PCDHA1: variants seen among roughly 807,000 people sequenced by gnomAD.
The protein encoded by PCDHA1 is protocadherin alpha-1.
PCDHA1 carries 42 observed loss-of-function variants against 61.3 expected under a neutral mutation model. That is an observed-to-expected ratio of 0.69 (90% CI 0.54 to 0.89). PCDHA1 has a LOEUF of 0.89. Among genes scored for constraint, PCDHA1 ranks in the 40% least tolerant of loss-of-function variants. The pLI is 0.00. For synonymous variants in PCDHA1, 610 were observed against 553.8 expected (o/e 1.10, Z -1.43); for missense variants, 1,256 against 1,235.3 (o/e 1.02, Z -0.25).
intron 1 of PCDHA1, chr5:140,825,843 T>C (rs1768734977): frequency 6.6e-6 from 1 of 152,442 alleles, no homozygotes; most frequent in Non-Finnish European, 1.5e-5. Context: ...AAATATACCA[T>C]GATACAAACT....
intron 1 of PCDHA1, chr5:140,829,463 C>G (rs1245659020): frequency 6.2e-7 from 1 of 1,613,756 alleles, no homozygotes; most frequent in Non-Finnish European, 8.5e-7. Context: ...GTTCGCGCAG[C>G]CCGAGTACAC....
chr5:140,822,696 G>A (rs2150118685), intron 1 of PCDHA1: 1 of 1,610,120 alleles, frequency 6.2e-7, no homozygotes, highest in Non-Finnish European at 8.5e-7. Flanking sequence ...ACGGGGAACT[G>A]GATTATGAAG....
At chr5:140,891,034 G>A (rs1377509789) in intron 1 of PCDHA1, among the ~76,000 whole-genome samples, 1 of 151,488 alleles carries the variant, frequency 6.6e-6, no homozygotes, top group Non-Finnish European at 1.5e-5. Context: ...ATAATCTTAG[G>A]TGTGACCCCC....
At chr5:140,869,256 C>T in intron 1 of PCDHA1, 2 of 1,613,586 alleles carry the variant, frequency 1.2e-6, no homozygotes, top group Non-Finnish European at 1.7e-6. Flanking sequence ...TCGCGCAGGA[C>T]CTGGGGCTGG....
intron 1 of PCDHA1, among the ~76,000 whole-genome samples, chr5:140,890,239 C>G (rs1398307605): frequency 6.6e-6 from 1 of 151,982 alleles, no homozygotes; most frequent in African/African-American, 2.4e-5. Context: ...AAGCATTTAC[C>G]AGTACACTAC....
chr5:140,928,955 T>A, intron 1 of PCDHA1: 1 of 1,614,024 alleles, frequency 6.2e-7, no homozygotes, highest in Middle Eastern at 1.6e-4. Context: ...GTAATTGCCT[T>A]GGCTTGTATT....
At chr5:140,962,564 G>A (rs1224952009) in intron 1 of PCDHA1, among the ~76,000 whole-genome samples, 2 of 152,124 alleles carry the variant, frequency 1.3e-5, no homozygotes, top group Non-Finnish European at 2.9e-5. Context: ...CCCCCTAAAA[G>A]CCAATTGTTA....
intron 1 of PCDHA1, among the ~76,000 whole-genome samples, chr5:140,937,574 G>C (rs1320452651): frequency 1.3e-5 from 2 of 151,732 alleles, no homozygotes; most frequent in African/African-American, 4.9e-5. Context: ...CTGGGATCGC[G>C]TCACTGCACT....
At chr5:140,995,924 G>T (rs998405229) in intron 3 of PCDHA1, among the ~76,000 whole-genome samples, 2 of 152,308 alleles carry the variant, frequency 1.3e-5, no homozygotes, top group African/African-American at 4.8e-5. Flanking sequence ...ATAGGCTGTT[G>T]TAAGTATTAA....
chr5:140,930,912 T>C (rs1205979304), intron 1 of PCDHA1, among the ~76,000 whole-genome samples: 3 of 152,196 alleles, frequency 2.0e-5, no homozygotes, highest in Non-Finnish European at 4.4e-5. Flanking sequence ...TTTTCTACTT[T>C]AGATGTGTAT....
At chr5:140,899,382 TGA>T (rs2067295037) in intron 1 of PCDHA1, among the ~76,000 whole-genome samples, 1 of 152,198 alleles carries the variant, frequency 6.6e-6, no homozygotes, top group Non-Finnish European at 1.5e-5. Context: ...CCTAATTTAT[TGA>T]GAGTTTTTAG....
At chr5:140,829,378 CG>C (rs2150166771) in intron 1 of PCDHA1, 1 of 1,614,062 alleles carries the variant, frequency 6.2e-7, no homozygotes, top group Non-Finnish European at 8.5e-7. Context: ...CCGCGCGGGA[CG>C]GGGGCTCGCC....
At chr5:140,921,832 A>G (rs1276240870) in intron 1 of PCDHA1, among the ~76,000 whole-genome samples, 1 of 152,120 alleles carries the variant, frequency 6.6e-6, no homozygotes, top group African/African-American at 2.4e-5. Flanking sequence ...CTATACACAT[A>G]TAGACATATT....
At position 140,829,133 on chromosome 5, in the gene PCDHA1, C is replaced by T. The variant is rs1554131766; in HGVS notation, c.2394+40449C>T. ...AATTTTGGATAAAAATGATAACGTC[C>T]CTGAGATAGCACTGACTTCCTTATC... On this transcript the variant is annotated intron_variant, in intron 1 of 3. Transcript: ENST00000504120. 6.2e-7 allele frequency: 1 copy of T among 1,612,836 alleles called. No homozygotes were observed. Among genetic ancestry groups the T allele is most frequent in the Admixed American group, 1.7e-5 (1 of 60,014 alleles).
chr5:140,913,960 T>A (rs114058923), intron 1 of PCDHA1, among the ~76,000 whole-genome samples: 2,762 of 152,276 alleles, frequency 0.018, 70 homozygotes, highest in African/African-American at 0.054. Context: ...ATATCATTTT[T>A]AAAAAAATAT....
chr5:140,929,046 C>T, intron 1 of PCDHA1: 3 of 1,614,206 alleles, frequency 1.9e-6, no homozygotes, highest in Non-Finnish European at 2.5e-6. Context: ...CTCAGAGCTG[C>T]TGTCGCTCTA....
intron 1 of PCDHA1, chr5:140,810,851 C>T (rs548527323): frequency 6.6e-6 from 1 of 152,122 alleles, no homozygotes; most frequent in East Asian, 1.9e-4. Context: ...TTTGATTAAA[C>T]TCAATTTATC....
Position 140,803,954 on chromosome 5 carries a change from A to G in PCDHA1, c.2394+15270A>G, listed in dbSNP as rs538740639. 1.2e-4 allele frequency: 42 copies of G among 347,696 alleles called. 1 individual carries two copies. In the South Asian group the frequency reaches 1.9e-3, roughly 15 times the overall value. The allele number at this position is 347,696 out of a possible 1,614,324, so 21.5% of individuals were successfully genotyped here. On this transcript the variant is annotated intron_variant, in intron 1 of 3. Transcript: ENST00000504120. ...TATCCCTATACAATGCTTCTTCAAT[A>G]TCTTTTGCCACTTTTCATTTGGACT...
At chr5:140,927,395 A>G (rs782188555) in intron 1 of PCDHA1, 3 of 1,614,194 alleles carry the variant, frequency 1.9e-6, no homozygotes, top group South Asian at 2.2e-5. Context: ...CCCAGTCAGC[A>G]CTTTCGCCTG....
Sources: allele counts gnomAD v4.1 joint callset (sites outside exome capture counted in the v4.1 genomes callset), GRCh38; gene constraint gnomAD v4.1.1; transcripts MANE v1.5; gene names NCBI Gene and HGNC (gene_info 2026-07-23, HGNC 2026-07-21).